Variants in PCDHGB7 observed in about 807,000 individuals in gnomAD.
PCDHGB7 encodes protocadherin gamma subfamily B, 7.
A neutral mutation model predicts 61.4 loss-of-function variants in PCDHGB7; 37 were observed. The observed-to-expected ratio is 0.60, with a 90% CI of 0.46 to 0.79. PCDHGB7 has a LOEUF of 0.79. Ranked by LOEUF, PCDHGB7 falls within the 30% of genes least tolerant of loss-of-function variation. The pLI is 0.00. For synonymous variants in PCDHGB7, 464 were observed against 503.5 expected (o/e 0.92, Z 1.05); for missense variants, 1,166 against 1,202.5 (o/e 0.97, Z 0.45).
chr5:141,419,354 C>T lies in PCDHGB7; in HGVS notation c.1495C>T (p.Arg499Ter). ...YSLIASDLES[R>*]TLSSYVSVSA... ...TCTCATTGCCAGCGACCTGGAGTCA[C>T]GAACGCTGTCGTCCTACGTGTCCGT... Residue 499 changes from arginine (R) to a stop codon, truncating the protein, a stop_gained, in exon 1 of 4, where the codon CGA (arginine) becomes TGA (stop). Coordinates refer to ENST00000398594, the MANE Select transcript of PCDHGB7 (RefSeq NM_018927.4). LOFTEE classifies it high-confidence loss of function. 3 of 1,613,828 alleles carry T rather than the reference C, an allele frequency of 1.9e-6. No homozygotes were observed. The highest frequency in any genetic ancestry group is 1.7e-6 in the Non-Finnish European group (2 of 1,179,902).
chr5:141,426,104 A>T (rs2096915289), intron 1 of PCDHGB7, among the ~76,000 whole-genome samples: 1 of 152,258 alleles, frequency 6.6e-6, no homozygotes, highest in Non-Finnish European at 1.5e-5. Flanking sequence ...GTTCAGTCAC[A>T]GAAGCAAGTC....
chr5:141,506,380 T>C (rs1209879935), intron 3 of PCDHGB7, among the ~76,000 whole-genome samples: 1 of 141,314 alleles, frequency 7.1e-6, no homozygotes, highest in Non-Finnish European at 1.5e-5. Flanking sequence ...ACCTGGGAGG[T>C]GGCTGTGGTG....
At chr5:141,466,871 T>G (rs1432611218) in intron 1 of PCDHGB7, among the ~76,000 whole-genome samples, 1 of 152,166 alleles carries the variant, frequency 6.6e-6, no homozygotes, top group Admixed American at 6.5e-5. Flanking sequence ...ATCCACACAT[T>G]TTTTTCATAA....
chr5:141,437,831 G>C (rs923199746), intron 1 of PCDHGB7, among the ~76,000 whole-genome samples: 16 of 151,256 alleles, frequency 1.1e-4, no homozygotes, highest in African/African-American at 3.4e-4. Flanking sequence ...TCTGCCTCCT[G>C]GGTTCATGCT....
chr5:141,434,480 C>T (rs777049751), intron 1 of PCDHGB7, among the ~76,000 whole-genome samples: 6 of 152,194 alleles, frequency 3.9e-5, no homozygotes, highest in Non-Finnish European at 5.9e-5. Context: ...GGGCAAGGAA[C>T]ACCTGGCCCG....
intron 1 of PCDHGB7, chr5:141,423,709 C>G (rs2096768343): frequency 8.7e-7 from 1 of 1,147,590 alleles, no homozygotes; most frequent in African/African-American, 1.9e-5. Context: ...TGGCACAAGT[C>G]TTTTAAGGAG....
At chr5:141,424,936 C>G (rs1160449329) in intron 1 of PCDHGB7, among the ~76,000 whole-genome samples, 1 of 152,182 alleles carries the variant, frequency 6.6e-6, no homozygotes, top group Non-Finnish European at 1.5e-5. Flanking sequence ...AGTCAACACT[C>G]TCACATCACT....
intron 1 of PCDHGB7, among the ~76,000 whole-genome samples, chr5:141,454,476 A>G (rs918910449): frequency 6.6e-6 from 1 of 151,806 alleles, no homozygotes; most frequent in Non-Finnish European, 1.5e-5. Flanking sequence ...GCATGATCTC[A>G]GCTCACCGCA....
chr5:141,490,009 A>T lies in PCDHGB7; in HGVS notation c.2416-4798A>T. Reference sequence around the variant, plus strand: ...TGTGGGAATCCCAGAGAATGCACCCATTGGTACTCTGCTGCTCCGCCTCAA... The same window carrying T: ...TGTGGGAATCCCAGAGAATGCACCCTTTGGTACTCTGCTGCTCCGCCTCAA... On this transcript the variant is annotated intron_variant, in intron 1 of 3. Transcript: ENST00000398594. The surrounding 1 kb of genome is among the most constrained non-coding windows in gnomAD (Gnocchi z 5.4). 5 of 1,614,214 alleles carry T rather than the reference A, an allele frequency of 3.1e-6. No individual in the cohort carries two copies. The highest frequency in any genetic ancestry group is 4.2e-6 in the Non-Finnish European group (5 of 1,180,032).
intron 1 of PCDHGB7, among the ~76,000 whole-genome samples, chr5:141,492,927 G>C (rs925569925): frequency 6.6e-6 from 1 of 152,180 alleles, no homozygotes; most frequent in Non-Finnish European, 1.5e-5. Context: ...AGCGATCTAG[G>C]GTCAGAGATT....
At chr5:141,450,587 A>G (rs1396203849) in intron 1 of PCDHGB7, among the ~76,000 whole-genome samples, 1 of 151,720 alleles carries the variant, frequency 6.6e-6, no homozygotes, top group East Asian at 1.9e-4. Flanking sequence ...CCCAGGTTCA[A>G]GCAATTCTCC....
At chr5:141,436,486 C>A (rs2097826645) in intron 1 of PCDHGB7, among the ~76,000 whole-genome samples, 1 of 152,152 alleles carries the variant, frequency 6.6e-6, no homozygotes. Flanking sequence ...AGAAGGATAG[C>A]AGCTTTGCAA....
At chr5:141,421,296 G>C in intron 1 of PCDHGB7, 1 of 1,613,444 alleles carries the variant, frequency 6.2e-7, no homozygotes, top group Non-Finnish European at 8.5e-7. Context: ...TCCTGGGGAC[G>C]CTGCGGGGGT....
chr5:141,476,367 G>C lies in PCDHGB7; in HGVS notation c.2416-18440G>C, dbSNP rs754652710. ...TTCTTTGAGGTGAACCGGGAGACCG[G>C]AGAGATGTTTGTGAACGACCGTCTG... On this transcript the variant is annotated intron_variant, in intron 1 of 3. Transcript: ENST00000398594. This position sits in a 1 kb window ranked among gnomAD's most constrained non-coding sequence, Gnocchi z 7.6. 6.2e-7 allele frequency: 1 copy of C among 1,614,172 alleles called. No homozygotes were observed. Among genetic ancestry groups the C allele is most frequent in the Non-Finnish European group, 8.5e-7 (1 of 1,180,036 alleles).
At chr5:141,437,104 T>C (rs539232057) in intron 1 of PCDHGB7, among the ~76,000 whole-genome samples, 1 of 152,338 alleles carries the variant, frequency 6.6e-6, no homozygotes, top group African/African-American at 2.4e-5. Flanking sequence ...GGCTTAGCTT[T>C]AGGATTTTTA....
intron 1 of PCDHGB7, among the ~76,000 whole-genome samples, chr5:141,463,999 C>A (rs1261262637): frequency 1.3e-5 from 2 of 152,056 alleles, no homozygotes; most frequent in African/African-American, 4.8e-5. Flanking sequence ...GGTGCAGTGG[C>A]TCATGCTTGT....
chr5:141,476,584 C>T lies in PCDHGB7; in HGVS notation c.2416-18223C>T. 6.2e-7 allele frequency: 1 copy of T among 1,614,218 alleles called. No individual in the cohort carries two copies. The highest frequency in any genetic ancestry group is 8.5e-7 in the Non-Finnish European group (1 of 1,180,042). ...TGGCTCCGGGGACGCGCTTTCCGCTCGAGAGCGCGCACGATCCCGATGTGG... is the reference window on the plus strand; with the variant it reads ...TGGCTCCGGGGACGCGCTTTCCGCTTGAGAGCGCGCACGATCCCGATGTGG... On this transcript the variant is annotated intron_variant, in intron 1 of 3. Coordinates refer to ENST00000398594, the MANE Select transcript of PCDHGB7 (RefSeq NM_018927.4). The surrounding 1 kb of genome is among the most constrained non-coding windows in gnomAD (Gnocchi z 7.6).
rs773484841 is a variant in PCDHGB7 at position 141,432,092 on chromosome 5, A to G, written c.2415+11818A>G. 4.3e-6 allele frequency: 7 copies of G among 1,614,104 alleles called. No individual in the cohort carries two copies. The East Asian group carries it at 1.6e-4, about 36-fold the overall frequency. On this transcript the variant is annotated intron_variant, in intron 1 of 3. Transcript: ENST00000398594. The surrounding 1 kb of genome is among the most constrained non-coding windows in gnomAD (Gnocchi z 6.0). Reference sequence around the variant, plus strand: ...TCATATCTCGCTGAACGTGGCAGACACCAACGACAACCCGCCGGTCTTCCC... The same window carrying G: ...TCATATCTCGCTGAACGTGGCAGACGCCAACGACAACCCGCCGGTCTTCCC...
intron 1 of PCDHGB7, among the ~76,000 whole-genome samples, chr5:141,473,195 C>G (rs1053769499): frequency 6.6e-6 from 1 of 152,104 alleles, no homozygotes; most frequent in Non-Finnish European, 1.5e-5. Flanking sequence ...GTAAATGTAT[C>G]TTCTAAAAAA....
Sources: gnomAD v4.1 joint callset for allele counts (sites outside exome capture counted in the v4.1 genomes callset) on GRCh38, gnomAD v4.1.1 for gene constraint, Gnocchi (gnomAD v3.1) non-coding constraint, MANE v1.5 for transcripts, NCBI Gene and HGNC (gene_info 2026-07-23, HGNC 2026-07-21) for gene names.